WDR4: variants seen among roughly 807,000 people sequenced by gnomAD.
WDR4 encodes the protein WDR4 tRNA N7-guanosine methyltransferase non-catalytic subunit.
In WDR4, 47 loss-of-function variants were observed where a neutral mutation model predicts 48.6. That is an observed-to-expected ratio of 0.97 (90% CI 0.77 to 1.23). The LOEUF is 1.23. Among genes scored for constraint, WDR4 ranks in the 50% most tolerant of loss-of-function variants. The pLI is 0.00. For missense variants in WDR4, 606 were observed against 551.6 expected, an observed-to-expected ratio of 1.10 and a Z score of -0.99; for synonymous variants, 268 against 230.0, an observed-to-expected ratio of 1.17 and a Z score of -1.49.
chr21:42,891,879 C>T, the WDR4 span, among the ~76,000 whole-genome samples: 3 of 150,892 alleles, frequency 2.0e-5, no homozygotes, highest in Non-Finnish European at 4.4e-5. Context: ...ATCGCTTGAA[C>T]CTAGGAAGTG....
chr21:42,879,589 T>G, upstream of WDR4: 1 of 1,488,906 alleles, frequency 6.7e-7, no homozygotes, highest in Non-Finnish European at 9.2e-7. Context: ...CGCCGAGAGA[T>G]GACGTATACC....
At chr21:42,865,365 G>C (rs1411914985) in intron 3 of WDR4, among the ~76,000 whole-genome samples, 2 of 152,148 alleles carry the variant, frequency 1.3e-5, no homozygotes, top group South Asian at 2.1e-4. Context: ...CCACAAACAC[G>C]ACCATGGTGG....
chr21:42,879,599 C>T, upstream of WDR4: 1 of 1,395,492 alleles, frequency 7.2e-7, no homozygotes, highest in Admixed American at 1.9e-5. Flanking sequence ...TGACGTATAC[C>T]CCACGTACCG....
At chr21:42,856,799 A>G (rs1242766477) in intron 6 of WDR4, among the ~76,000 whole-genome samples, 2 of 152,198 alleles carry the variant, frequency 1.3e-5, no homozygotes, top group Non-Finnish European at 2.9e-5. Flanking sequence ...ACACGCACAC[A>G]CACACACCTT....
rs755771018 is a variant in WDR4, at chr21:42,859,741, G to C, written c.567-19C>G. On this transcript the variant is annotated intron_variant, in intron 5 of 10. Transcript: ENST00000398208. ...CACAAACCTGTGAGGGCGAGAGAGA[G>C]CGGCAGAGTCAGCGAGCCCAGCGCC... 1 of 1,554,332 alleles carries C rather than the reference G, an allele frequency of 6.4e-7. No homozygotes were observed. Among genetic ancestry groups the C allele is most frequent in the South Asian group, 1.2e-5 (1 of 84,152 alleles).
At chr21:42,855,049 A>G (rs555967222) in intron 7 of WDR4, among the ~76,000 whole-genome samples, 1 of 152,158 alleles carries the variant, frequency 6.6e-6, no homozygotes, top group East Asian at 1.9e-4. Flanking sequence ...CCAGCTACTC[A>G]GGAGCCTGAG....
chr21:42,880,130 C>CAA (rs796783962), upstream of WDR4, among the ~76,000 whole-genome samples: 22 of 136,936 alleles, frequency 1.6e-4, no homozygotes, highest in African/African-American at 5.3e-4. Flanking sequence ...GACTCTCTCT[C>CAA]AAAAAAAAAA....
intron 10 of WDR4, among the ~76,000 whole-genome samples, chr21:42,851,298 G>A (rs553254787): frequency 4.6e-5 from 7 of 152,234 alleles, no homozygotes; most frequent in East Asian, 1.9e-4. Flanking sequence ...TCCCAACCAC[G>A]CTGGGGGGCC....
Position 42,854,730 on chromosome 21 carries a change from A to C in WDR4, c.727-104T>G, listed in dbSNP as rs373669142. 7.7e-6 allele frequency: 8 copies of C among 1,045,226 alleles called. No individual in the cohort carries two copies. In the Admixed American group the frequency reaches 8.1e-5, roughly 11 times the overall value. 64.7% of individuals were successfully genotyped at this position (1,045,226 alleles called of 1,614,324 possible). On this transcript the variant is annotated intron_variant, in intron 7 of 10. Coordinates refer to ENST00000398208, the MANE Select transcript of WDR4 (RefSeq NM_018669.6). ...GACCGAAGGACGCTCACGCCCCCAC[A>C]TATCAAGGAAGAGGAAACAGCACTG... is the stretch of plus-strand genomic sequence containing the variant.
upstream of WDR4, among the ~76,000 whole-genome samples, chr21:42,884,467 T>C (rs2058624620): frequency 6.6e-6 from 1 of 152,050 alleles, no homozygotes; most frequent in Non-Finnish European, 1.5e-5. Flanking sequence ...ACCAACATTG[T>C]GAAACCCCAC....
At position 42,853,688 on chromosome 21, in the gene WDR4, G is replaced by T; in HGVS notation, c.856C>A (p.Leu286Met). The change falls in exon 9 of 11, where the codon CTG (leucine) becomes ATG (methionine). Residue 286 changes from leucine (L) to methionine (M), a missense_variant. Leu to Met is a conservative substitution (Grantham distance 15, BLOSUM62 2). Transcript: ENST00000398208. ...TCCCACACTTGGTGCTGGAACGCCA[G>T]CTGCTGCCTGTACACCAACTGCTGT... ...RRQQLVYRQQ[L>M]AFQHQVWDVA... 3 of 1,578,882 alleles carry T rather than the reference G, an allele frequency of 1.9e-6. No individual in the cohort carries two copies. Among genetic ancestry groups the T allele is most frequent in the Non-Finnish European group, 2.6e-6 (3 of 1,162,918 alleles).
At chr21:42,858,412 G>A (rs1324236845) in intron 6 of WDR4, among the ~76,000 whole-genome samples, 1 of 152,236 alleles carries the variant, frequency 6.6e-6, no homozygotes, top group Non-Finnish European at 1.5e-5. Context: ...CAACCAGCTG[G>A]AGAGCACACT....
intron 6 of WDR4, among the ~76,000 whole-genome samples, chr21:42,857,141 C>T (rs1399555614): frequency 6.6e-6 from 1 of 152,102 alleles, no homozygotes; most frequent in African/African-American, 2.4e-5. Flanking sequence ...CTCCCTGATG[C>T]ATCCTCAGCC....
intron 3 of WDR4, among the ~76,000 whole-genome samples, chr21:42,869,140 G>C (rs1370113655): frequency 1.3e-5 from 2 of 152,204 alleles, no homozygotes; most frequent in Non-Finnish European, 2.9e-5. Flanking sequence ...GCTCTGGGTG[G>C]TGAAATTCAG....
At chr21:42,863,793 T>C (rs2058176253) in intron 3 of WDR4, among the ~76,000 whole-genome samples, 197 bp from the exon 4 acceptor site, 1 of 151,792 alleles carries the variant, frequency 6.6e-6, no homozygotes, top group African/African-American at 2.4e-5. Flanking sequence ...AAATTTACTT[T>C]CACAACGTTT....
chr21:42,855,865 G>A (rs897352654), intron 6 of WDR4, 85 bp from the exon 7 acceptor site: 59 of 1,141,118 alleles, frequency 5.2e-5, no homozygotes, highest in Middle Eastern at 2.2e-4. Flanking sequence ...GCGTGTGGTC[G>A]GGGTTCCACT....
At position 42,859,648 on chromosome 21, in the gene WDR4, G is replaced by A. The variant is rs1237362433; in HGVS notation, c.627+14C>T. The A allele has an allele frequency of 2.7e-6, 4 of 1,490,652 alleles. No individual in the cohort carries two copies. The highest frequency in any genetic ancestry group is 2.4e-5 in the South Asian group (2 of 83,386). The allele number at this position is 1,490,652 out of a possible 1,614,324, so 92.3% of individuals were successfully genotyped here. On this transcript the variant is annotated intron_variant, in intron 6 of 10. Transcript: ENST00000398208. ...AAGAATCCAGAGGTGAGTGACGCTG[G>A]GCAGAACACTTACCCCAGAGGAGGA...
At chr21:42,871,593 G>A (rs995821087) in intron 3 of WDR4, among the ~76,000 whole-genome samples, 2 of 152,140 alleles carry the variant, frequency 1.3e-5, no homozygotes, top group African/African-American at 2.4e-5. Flanking sequence ...AAGATGACGC[G>A]ATCCACAGCA....
At chr21:42,850,304 A>C (rs1005638916) in intron 10 of WDR4, 62 bp from the exon 11 acceptor site, 30 of 1,456,430 alleles carry the variant, frequency 2.1e-5, no homozygotes, top group Non-Finnish European at 2.8e-5. Context: ...CGGCCACCAC[A>C]GCGGGCCCCC....
Sources: gnomAD v4.1 joint callset for allele counts (sites outside exome capture counted in the v4.1 genomes callset) on GRCh38, gnomAD v4.1.1 for gene constraint, MANE v1.5 for transcripts, NCBI Gene and HGNC (gene_info 2026-07-23, HGNC 2026-07-21) for gene names.